ADAMTS20: variants seen among roughly 807,000 people sequenced by gnomAD.
ADAMTS20 encodes the protein ADAM metallopeptidase with thrombospondin type 1 motif 20.
A neutral mutation model predicts 260.1 loss-of-function variants in ADAMTS20; 225 were observed. That is an observed-to-expected ratio of 0.87 (90% CI 0.78 to 0.97). The LOEUF (loss-of-function observed/expected upper bound fraction) is 0.97, where lower values mean the gene tolerates loss of function less well. Ranked by LOEUF, ADAMTS20 falls within the 50% of genes least tolerant of loss-of-function variation. The probability of loss-of-function intolerance (pLI) is 0.00; values close to 1 mark genes in which losing one functional copy is unlikely to be tolerated. For synonymous variants in ADAMTS20, 802 were observed against 769.5 expected, an observed-to-expected ratio of 1.04 and a Z score of -0.70; for missense variants, 2,400 against 2,337.7, an observed-to-expected ratio of 1.03 and a Z score of -0.55.
At chr12:43,432,155 T>G in intron 21 of ADAMTS20, 149 bp downstream of exon 21, 1 of 902,756 alleles carries the variant, frequency 1.1e-6, no homozygotes, top group Non-Finnish European at 1.6e-6. Context: ...GTGCCTGGCC[T>G]GTCTTATAAA....
chr12:43,516,287 G>A (rs2137472629), intron 3 of ADAMTS20, among the ~76,000 whole-genome samples: 1 of 152,288 alleles, frequency 6.6e-6, no homozygotes, highest in Non-Finnish European at 1.5e-5. Context: ...ATGCAGCCCA[G>A]TCAGACGTGT....
intron 3 of ADAMTS20, among the ~76,000 whole-genome samples, chr12:43,530,393 T>A (rs1034606544): frequency 2.0e-5 from 3 of 152,198 alleles, no homozygotes; most frequent in African/African-American, 7.2e-5. Flanking sequence ...CATTTGTGTT[T>A]TCTTTGAAGC....
intron 29 of ADAMTS20, among the ~76,000 whole-genome samples, chr12:43,398,637 C>T (rs2137251149): frequency 6.6e-6 from 1 of 152,236 alleles, no homozygotes; most frequent in Admixed American, 6.6e-5. Flanking sequence ...TGTTAGCCTG[C>T]ATAGAATACT....
intron 7 of ADAMTS20, among the ~76,000 whole-genome samples, chr12:43,471,602 G>A (rs1433938043): frequency 0.063 from 4,595 of 72,826 alleles, no homozygotes; most frequent in Non-Finnish European, 0.072. Context: ...CAGCTTTGAA[G>A]AGAGCAGTGG....
intron 4 of ADAMTS20, among the ~76,000 whole-genome samples, chr12:43,495,793 T>C (rs1313884106): frequency 6.6e-6 from 1 of 152,134 alleles, no homozygotes; most frequent in Non-Finnish European, 1.5e-5. Context: ...CCAAAGAAAG[T>C]GATATTTTGC....
intron 37 of ADAMTS20, among the ~76,000 whole-genome samples, chr12:43,363,160 G>C (rs546751423): frequency 6.6e-6 from 1 of 152,092 alleles, no homozygotes; most frequent in Admixed American, 6.6e-5. Context: ...ACCTCAGCAA[G>C]ATGATCATTC....
At chr12:43,442,716 A>G (rs1941690443) in intron 16 of ADAMTS20, among the ~76,000 whole-genome samples, 2 of 152,364 alleles carry the variant, frequency 1.3e-5, no homozygotes, top group Non-Finnish European at 2.9e-5. Context: ...TTTTAGCACA[A>G]GGAAAAGAAT....
rs1039380050 is a variant in ADAMTS20 at position 43,551,095 on chromosome 12, G to A, written c.267C>T (p.Phe89=). 6 of 1,613,936 alleles carry A rather than the reference G, an allele frequency of 3.7e-6. No homozygotes were observed. Among genetic ancestry groups the A allele is most frequent in the Non-Finnish European group, 5.1e-6 (6 of 1,179,878 alleles). Residue 89 remains phenylalanine, a synonymous_variant, in exon 2 of 39, where the codon TTC becomes TTT. Coordinates refer to ENST00000389420, the MANE Select transcript of ADAMTS20 (RefSeq NM_025003.5). This position sits in a 1 kb window ranked among gnomAD's most constrained non-coding sequence, Gnocchi z 4.6. ...HYRFTAYGQL[F]QLNLTADASF... Reference sequence around the variant, plus strand: ...ATGCATCGGCGGTCAGGTTCAGCTGGAAGAGCTGCCCGTAGGCAGTGAAGC... The same window carrying A: ...ATGCATCGGCGGTCAGGTTCAGCTGAAAGAGCTGCCCGTAGGCAGTGAAGC...
chr12:43,455,882 T>C lies in ADAMTS20; in HGVS notation c.1615-1830A>G, dbSNP rs146456571. On this transcript the variant is annotated intron_variant, in intron 11 of 38. Coordinates refer to ENST00000389420, the MANE Select transcript of ADAMTS20 (RefSeq NM_025003.5). The stretch of plus-strand genomic sequence containing the variant: ...CGCCACCACAACCCGCTAATTTTTG[T>C]ATTTTTAGTAGAGACAGGGTTTCAC... 2.3e-3 allele frequency among the ~76,000 whole-genome samples: 345 copies of C among 152,234 alleles called. 1 individual carries two copies. Among genetic ancestry groups the C allele is most frequent in the African/African-American group, 7.8e-3 (325 of 41,534 alleles).
intron 9 of ADAMTS20, among the ~76,000 whole-genome samples, chr12:43,465,118 G>GA (rs1399896761): frequency 6.6e-6 from 1 of 152,044 alleles, no homozygotes; most frequent in Non-Finnish European, 1.5e-5. Flanking sequence ...TAAAATGTTG[G>GA]AAAAATAAGT....
chr12:43,387,045 G>A (rs1940494409), intron 29 of ADAMTS20, among the ~76,000 whole-genome samples: 2 of 152,196 alleles, frequency 1.3e-5, no homozygotes, highest in Admixed American at 1.3e-4. Flanking sequence ...GAGGAGTTGT[G>A]ATCCTCTGCA....
chr12:43,401,493 T>G (rs1156611643), intron 28 of ADAMTS20, among the ~76,000 whole-genome samples: 2 of 151,834 alleles, frequency 1.3e-5, no homozygotes, highest in Non-Finnish European at 2.9e-5. Flanking sequence ...TATCTATGAG[T>G]GGAATATAAA....
At chr12:43,544,089 A>G (rs1943411742) in intron 2 of ADAMTS20, among the ~76,000 whole-genome samples, 1 of 152,230 alleles carries the variant, frequency 6.6e-6, no homozygotes, top group African/African-American at 2.4e-5. Context: ...TAAGAGTTGG[A>G]CAGCTTAAAT....
intron 3 of ADAMTS20, among the ~76,000 whole-genome samples, chr12:43,523,502 C>G (rs1184652757): frequency 6.6e-6 from 1 of 152,014 alleles, no homozygotes; most frequent in East Asian, 1.9e-4. Context: ...GTTGGGTACC[C>G]CAGCTGTGCA....
chr12:43,521,252 G>T (rs1943067967), intron 3 of ADAMTS20, among the ~76,000 whole-genome samples: 1 of 152,194 alleles, frequency 6.6e-6, no homozygotes, highest in Admixed American at 6.5e-5. Context: ...GCCAGAACTC[G>T]CTTACTGAGC....
rs139420797 is a variant in ADAMTS20, at chr12:43,455,740, G to A, written c.1615-1688C>T. Among the ~76,000 whole-genome samples, 1,307 of 147,344 alleles carry A rather than the reference G, an allele frequency of 8.9e-3. 22 individuals are homozygous for A. Among genetic ancestry groups the A allele is most frequent in the African/African-American group, 0.03 (1,207 of 39,848 alleles). The stretch of plus-strand genomic sequence containing the variant: ...TTTTTTTTTTTTGAGATGGAGTCTC[G>A]CTCCGTCACCCAGGCTAGAGTGCAG... On this transcript the variant is annotated intron_variant, in intron 11 of 38. Transcript: ENST00000389420.
rs1943229456 is a variant in ADAMTS20, at chr12:43,532,096, T to A, written c.553A>T (p.Ile185Leu). 1.2e-6 allele frequency: 2 copies of A among 1,612,452 alleles called. No individual in the cohort carries two copies. Among genetic ancestry groups the A allele is most frequent in the Non-Finnish European group, 1.7e-6 (2 of 1,179,274 alleles). The change falls in exon 3 of 39, where the codon ATA becomes TTA. Residue 185 changes from isoleucine (I) to leucine (L), a missense_variant. Coordinates refer to ENST00000389420, the MANE Select transcript of ADAMTS20 (RefSeq NM_025003.5). ...YEDGHNKPHL[I>L]YRQDLNNSFL... ...GAGTTATTTAAGTCTTGTCTGTATATAAGATGTGGCTTGTTGTGACCATCT... is the reference window on the plus strand; with the variant it reads ...GAGTTATTTAAGTCTTGTCTGTATAAAAGATGTGGCTTGTTGTGACCATCT...
chr12:43,365,545 G>C (rs931055619), intron 37 of ADAMTS20, among the ~76,000 whole-genome samples: 1 of 151,888 alleles, frequency 6.6e-6, no homozygotes, highest in African/African-American at 2.4e-5. Context: ...GACACAAGAC[G>C]ATAAGTCAAA....
chr12:43,374,722 A>G (rs1313180124), intron 36 of ADAMTS20, among the ~76,000 whole-genome samples: 1 of 150,188 alleles, frequency 6.7e-6, no homozygotes, highest in African/African-American at 2.5e-5. Flanking sequence ...ATCATTAGAA[A>G]CTAATGTAAA....
Sources: gnomAD v4.1 joint callset for allele counts (sites outside exome capture counted in the v4.1 genomes callset) on GRCh38, gnomAD v4.1.1 for gene constraint, Gnocchi (gnomAD v3.1) non-coding constraint, MANE v1.5 for transcripts, NCBI Gene and HGNC (gene_info 2026-07-23, HGNC 2026-07-21) for gene names.